RSL24D1: variants seen among roughly 807,000 people sequenced by gnomAD.
The protein encoded by RSL24D1 is probable ribosome biogenesis protein RLP24.
Under a neutral mutation model 26.2 loss-of-function variants are expected in RSL24D1, and 6 were observed. The ratio of observed to expected loss-of-function variants is 0.23; its 90% confidence interval spans 0.13 to 0.45. The LOEUF (loss-of-function observed/expected upper bound fraction) is 0.45, where lower values mean the gene tolerates loss of function less well. Ranked by LOEUF, RSL24D1 falls within the 20% of genes least tolerant of loss-of-function variation. The pLI is 0.99. For missense variants in RSL24D1, 176 were observed against 202.6 expected, an observed-to-expected ratio of 0.87 and a Z score of 0.80; for synonymous variants, 61 against 59.1, an observed-to-expected ratio of 1.03 and a Z score of -0.15.
intron 3 of RSL24D1, among the ~76,000 whole-genome samples, chr15:55,187,503 A>G (rs1486509421): frequency 1.3e-5 from 2 of 152,218 alleles, no homozygotes; most frequent in African/African-American, 2.4e-5. Flanking sequence ...CTAAGTGCCC[A>G]TCGACCAACA....
chr15:55,194,743 T>G (rs963467715), intron 1 of RSL24D1, among the ~76,000 whole-genome samples: 2 of 151,046 alleles, frequency 1.3e-5, no homozygotes, highest in African/African-American at 4.9e-5. Flanking sequence ...TCTCAGAAAC[T>G]AAGAGAATAA....
Position 55,193,562 on chromosome 15 carries a change from G to A in RSL24D1, c.82-729C>T, listed in dbSNP as rs142230244. On this transcript the variant is annotated intron_variant, in intron 1 of 5. Transcript: ENST00000260443. ...TTTGGGGTTTGTGGATCTTGGTAAA[G>A]AAAATTAAGTTGAATTATCACACCT... Among the ~76,000 whole-genome samples the A allele has an allele frequency of 2.4e-4, 37 of 152,292 alleles. No homozygotes were observed. In the East Asian group the frequency reaches 6.9e-3, roughly 29 times the overall value.
chr15:55,196,380 C>T, intron 1 of RSL24D1: 1 of 460,388 alleles, frequency 2.2e-6, no homozygotes. Context: ...ATAACTCTAC[C>T]ATTAAGCAAT....
chr15:55,190,527 T>C lies in RSL24D1; in HGVS notation c.268+448A>G, dbSNP rs142482383. 9.4e-4 allele frequency among the ~76,000 whole-genome samples: 143 copies of C among 152,336 alleles called. 1 individual carries two copies. The highest frequency in any genetic ancestry group is 3.3e-3 in the African/African-American group (137 of 41,586). ...CTCAGAACATTTGTAATGATGACCTTAAGCACTACACTTTTTAATTTTAAA... is the reference window on the plus strand; with the variant it reads ...CTCAGAACATTTGTAATGATGACCTCAAGCACTACACTTTTTAATTTTAAA... On this transcript the variant is annotated intron_variant, in intron 3 of 5. Transcript: ENST00000260443.
At chr15:55,195,484 C>T (rs1595654798) in intron 1 of RSL24D1, 1 of 152,326 alleles carries the variant, frequency 6.6e-6, no homozygotes, top group East Asian at 1.9e-4. Context: ...CAACACTGTC[C>T]TTATTCTTCA....
intron 2 of RSL24D1, among the ~76,000 whole-genome samples, chr15:55,191,462 G>A (rs1430487750): frequency 1.3e-5 from 2 of 151,330 alleles, no homozygotes; most frequent in African/African-American, 4.8e-5. Context: ...TGTTCTTCCT[G>A]TAGGAGACAG....
chr15:55,191,628 C>T (rs969926648), intron 2 of RSL24D1, among the ~76,000 whole-genome samples: 6 of 152,238 alleles, frequency 3.9e-5, no homozygotes, highest in African/African-American at 7.2e-5. Context: ...CCTCCAAACA[C>T]GGTTACCGTT....
intron 3 of RSL24D1, among the ~76,000 whole-genome samples, chr15:55,188,028 T>C (rs1228428598): frequency 6.6e-6 from 1 of 152,232 alleles, no homozygotes; most frequent in Admixed American, 6.5e-5. Context: ...CCCGGTATTT[T>C]TGAAATTCTA....
intron 1 of RSL24D1, chr15:55,195,276 T>C (rs1375913323): frequency 1.3e-5 from 2 of 152,204 alleles, no homozygotes; most frequent in Admixed American, 1.3e-4. Context: ...ACTAAGGAAT[T>C]CTCTTTCAGT....
chr15:55,191,683 A>ATT (rs1334005080), intron 2 of RSL24D1, among the ~76,000 whole-genome samples: 1 of 152,202 alleles, frequency 6.6e-6, no homozygotes, highest in Non-Finnish European at 1.5e-5. Context: ...TTTAATCTTA[A>ATT]AACACACAAA....
rs763296975 is a variant in RSL24D1 at position 55,196,909 on chromosome 15, C to G, written c.-19G>C. 1.2e-6 allele frequency: 2 copies of G among 1,612,100 alleles called. No individual in the cohort carries two copies. The highest frequency in any genetic ancestry group is 1.7e-6 in the Non-Finnish European group (2 of 1,178,428). On this transcript the variant is annotated 5_prime_UTR_variant, in exon 1 of 6. Coordinates refer to ENST00000260443, the MANE Select transcript of RSL24D1 (RefSeq NM_016304.3). The stretch of plus-strand genomic sequence containing the variant: ...TACGCATGTTGAACCCGCGTGTAAC[C>G]CCACCAAACAAACGCCAAGCTTGAG...
At chr15:55,193,209 C>A (rs768443745) in intron 1 of RSL24D1, among the ~76,000 whole-genome samples, 90 of 152,192 alleles carry the variant, frequency 5.9e-4, no homozygotes, top group Non-Finnish European at 9.0e-4. Context: ...ATTCTGAAAT[C>A]TCCTTTGGGT....
intron 4 of RSL24D1, among the ~76,000 whole-genome samples, chr15:55,184,226 CTT>C: frequency 6.6e-6 from 1 of 152,248 alleles, no homozygotes; most frequent in East Asian, 1.9e-4. Flanking sequence ...GAGGAAACAT[CTT>C]GTTAGCTATA....
At chr15:55,196,050 A>G (rs894582980) in intron 1 of RSL24D1, among the ~76,000 whole-genome samples, 1 of 152,232 alleles carries the variant, frequency 6.6e-6, no homozygotes, top group Non-Finnish European at 1.5e-5. Context: ...AACGGGATTC[A>G]TTCTGTAATG....
At chr15:55,186,826 C>G (rs953329961) in intron 3 of RSL24D1, among the ~76,000 whole-genome samples, 1 of 151,962 alleles carries the variant, frequency 6.6e-6, no homozygotes, top group Non-Finnish European at 1.5e-5. Context: ...TCTGGAAATA[C>G]ATATTAAACT....
At position 55,182,171 on chromosome 15, in the gene RSL24D1, T is replaced by C. The variant is rs1299964957; in HGVS notation, c.473A>G (p.Asp158Gly). ...AGATTTTTAAGGAGCATCTTCCATG[T>C]CCACATCCTCTTGTAACTGCTGTAC... ...KMVQQLQEDV[D>G]MEDAP Residue 158 changes from aspartate (D) to glycine (G), a missense_variant, in exon 6 of 6, where the codon GAC becomes GGC. Around this residue, in one of 3 missense-constraint regions of RSL24D1, gnomAD observed 43 missense variants for 38.7 expected, o/e 1.11. Transcript: ENST00000260443. 6.2e-7 allele frequency: 1 copy of C among 1,606,832 alleles called. No homozygotes were observed. The highest frequency in any genetic ancestry group is 8.5e-7 in the Non-Finnish European group (1 of 1,173,836).
intron 3 of RSL24D1, among the ~76,000 whole-genome samples, chr15:55,189,418 T>A (rs1263079536): frequency 2.0e-5 from 3 of 152,080 alleles, no homozygotes; most frequent in African/African-American, 4.8e-5. Context: ...CCTTATTTTT[T>A]AAAAAGGGGT....
intron 3 of RSL24D1, among the ~76,000 whole-genome samples, chr15:55,190,129 T>A (rs1011500977): frequency 2.0e-5 from 3 of 151,650 alleles, no homozygotes; most frequent in Admixed American, 6.6e-5. Flanking sequence ...GTGCCTGTAA[T>A]CCCAGCTACC....
intron 1 of RSL24D1, chr15:55,196,329 C>G (rs557993371): frequency 2.2e-6 from 1 of 456,662 alleles, no homozygotes; most frequent in Admixed American, 2.3e-5. Flanking sequence ...TGAGTCTTTC[C>G]GTACAGGACC....
Sources: allele counts gnomAD v4.1 joint callset (sites outside exome capture counted in the v4.1 genomes callset), GRCh38; gene constraint gnomAD v4.1.1; regional missense constraint gnomAD v4.1.1; transcripts MANE v1.5; gene names NCBI Gene and HGNC (gene_info 2026-07-23, HGNC 2026-07-21).